The following RARB variants were observed in gnomAD, a reference collection of about 807,000 sequenced individuals.
The protein encoded by RARB is HBV-activated protein.
Under a neutral mutation model 51.9 loss-of-function variants are expected in RARB, and 17 were observed. That is an observed-to-expected ratio of 0.33 (90% CI 0.22 to 0.49). The LOEUF (loss-of-function observed/expected upper bound fraction) is 0.49, where lower values mean the gene tolerates loss of function less well. Ranked by LOEUF, RARB falls within the 20% of genes least tolerant of loss-of-function variation. The pLI is 0.99. For synonymous variants in RARB, 215 were observed against 195.4 expected (o/e 1.10, Z -0.84); for missense variants, 369 against 550.8 (o/e 0.67, Z 3.30).
chr3:25,441,878 T>C (rs534046510), intron 1 of RARB, among the ~76,000 whole-genome samples: 27 of 152,296 alleles, frequency 1.8e-4, no homozygotes, highest in African/African-American at 5.5e-4. Flanking sequence ...AATATAGTAC[T>C]TGGTCTATGA....
At chr3:25,256,640 C>A (rs374655016) in intron 5 of RARB, among the ~76,000 whole-genome samples, 3 of 151,876 alleles carry the variant, frequency 2.0e-5, no homozygotes, top group East Asian at 3.9e-4. Flanking sequence ...AAATGTATGA[C>A]CAAAACTCAA....
At chr3:25,285,896 A>C (rs1327072434) in intron 5 of RARB, among the ~76,000 whole-genome samples, 1 of 151,884 alleles carries the variant, frequency 6.6e-6, no homozygotes, top group East Asian at 1.9e-4. Context: ...ACCAATATAC[A>C]CATACAAATA....
At chr3:25,145,589 A>G (rs1260519553) in intron 4 of RARB, among the ~76,000 whole-genome samples, 1 of 152,216 alleles carries the variant, frequency 6.6e-6, no homozygotes, top group East Asian at 1.9e-4. Context: ...TGATTGTTCC[A>G]GTGGACATTA....
At chr3:24,900,023 ATAAAT>A (rs1703567621) in intron 2 of RARB, among the ~76,000 whole-genome samples, 5 of 152,230 alleles carry the variant, frequency 3.3e-5, no homozygotes, top group Admixed American at 2.6e-4. Context: ...AGCAACCATA[ATAAAT>A]TAAAATAAAA....
At chr3:24,893,224 G>T (rs1553611453) in intron 2 of RARB, among the ~76,000 whole-genome samples, 1 of 152,176 alleles carries the variant, frequency 6.6e-6, no homozygotes, top group Non-Finnish European at 1.5e-5. Flanking sequence ...CCAATTCAAT[G>T]TCTTGATCTT....
Position 25,453,025 on chromosome 3 carries a change from A to G in RARB, c.158-8168A>G, listed in dbSNP as rs1559410028. On this transcript the variant is annotated intron_variant, in intron 1 of 7. Transcript: ENST00000330688. ...GATCTTAATGCATTAAGTACTTAAC[A>G]AGGTGGAGTATTTAGTAAGGACCTG... 2.6e-5 allele frequency among the ~76,000 whole-genome samples: 4 copies of G among 152,172 alleles called. No individual in the cohort carries two copies. The South Asian group carries it at 6.2e-4, about 24-fold the overall frequency.
chr3:25,150,019 T>C (rs1164282667), intron 4 of RARB, among the ~76,000 whole-genome samples: 3 of 151,956 alleles, frequency 2.0e-5, no homozygotes, highest in East Asian at 1.9e-4. Flanking sequence ...ATGACCGATA[T>C]GGTGAAACCC....
chr3:25,307,294 C>G (rs1427022205), intron 5 of RARB, among the ~76,000 whole-genome samples: 2 of 151,172 alleles, frequency 1.3e-5, no homozygotes, highest in African/African-American at 4.9e-5. Context: ...AGCTGAGGCA[C>G]AAGAATCGCT....
At chr3:24,886,436 C>A (rs1357469181) in intron 2 of RARB, among the ~76,000 whole-genome samples, 1 of 132,494 alleles carries the variant, frequency 7.5e-6, no homozygotes, top group Non-Finnish European at 1.6e-5. Flanking sequence ...CATAAAGTAT[C>A]TGTAAACAAA....
At chr3:25,106,161 G>A (rs1409615492) in intron 3 of RARB, among the ~76,000 whole-genome samples, 2 of 141,702 alleles carry the variant, frequency 1.4e-5, no homozygotes, top group African/African-American at 5.3e-5. Context: ...AATGAAGGCT[G>A]TTCCTGATAC....
chr3:25,317,177 T>C (rs1405076598), intron 5 of RARB, among the ~76,000 whole-genome samples: 2 of 152,142 alleles, frequency 1.3e-5, no homozygotes, highest in African/African-American at 4.8e-5. Context: ...GTCTTATTCT[T>C]TGTGTTCTTG....
chr3:25,366,910 A>T (rs1706138354), intron 5 of RARB, among the ~76,000 whole-genome samples: 1 of 152,146 alleles, frequency 6.6e-6, no homozygotes, highest in Admixed American at 6.5e-5. Flanking sequence ...GCCCAAATTT[A>T]ACCATTTTTT....
At chr3:25,238,587 C>T (rs1283803557) in intron 5 of RARB, among the ~76,000 whole-genome samples, 1 of 152,156 alleles carries the variant, frequency 6.6e-6, no homozygotes, top group Non-Finnish European at 1.5e-5. Context: ...TTGCCATACA[C>T]ATTTGCATAG....
chr3:25,051,081 G>A (rs1198066366), intron 2 of RARB, among the ~76,000 whole-genome samples: 1 of 152,084 alleles, frequency 6.6e-6, no homozygotes, highest in African/African-American at 2.4e-5. Context: ...TCTTTGATAT[G>A]CCATGTTTAA....
In RARB at chr3:25,315,211, CTG is replaced by C. The variant is rs1277084054; in HGVS notation, c.178+140639_178+140640del. On this transcript the variant is annotated intron_variant, in intron 5 of 11. Coordinates refer to the RARB transcript ENST00000383772. ...CAGTCTTCACACAATGCAAAAAAAA[CTG>C]TGAATGAAATACACACATCCCACTA... Among the ~76,000 whole-genome samples the C allele has an allele frequency of 2.6e-5, 4 of 152,154 alleles. No individual in the cohort carries two copies. The East Asian group carries it at 5.8e-4, about 22-fold the overall frequency.
At chr3:25,355,233 T>A (rs1705698012) in intron 5 of RARB, among the ~76,000 whole-genome samples, 1 of 152,110 alleles carries the variant, frequency 6.6e-6, no homozygotes, top group African/African-American at 2.4e-5. Flanking sequence ...CCTGTCAGAA[T>A]CAAGCATGAG....
chr3:25,377,856 A>G (rs1346615440), intron 5 of RARB, among the ~76,000 whole-genome samples: 1 of 152,130 alleles, frequency 6.6e-6, no homozygotes, highest in East Asian at 1.9e-4. Context: ...TGAGGCCCTC[A>G]CATGGCTCCT....
intron 5 of RARB, among the ~76,000 whole-genome samples, chr3:25,176,350 C>CTTTCTTTCT (rs1700749355): frequency 2.2e-4 from 11 of 50,510 alleles, no homozygotes; most frequent in East Asian, 7.6e-4. Context: ...TCCTTCCTTC[C>CTTTCTTTCT]TTCCTTCCTT....
intron 2 of RARB, among the ~76,000 whole-genome samples, chr3:24,890,215 G>A (rs1377378758): frequency 1.3e-5 from 2 of 152,196 alleles, no homozygotes; most frequent in African/African-American, 2.4e-5. Flanking sequence ...GCTGTCTGTA[G>A]TGGTTCAATA....
Sources: allele counts gnomAD v4.1 joint callset (sites outside exome capture counted in the v4.1 genomes callset), GRCh38; gene constraint gnomAD v4.1.1; transcripts MANE v1.5; gene names NCBI Gene and HGNC (gene_info 2026-07-23, HGNC 2026-07-21).